The following MRTFA variants were observed in gnomAD, a reference collection of about 807,000 sequenced individuals.
The protein encoded by MRTFA is myocardin related transcription factor A.
Under a neutral mutation model 83.5 loss-of-function variants are expected in MRTFA, and 20 were observed. The observed-to-expected ratio is 0.24, with a 90% confidence interval of 0.17 to 0.35. The LOEUF (loss-of-function observed/expected upper bound fraction) is 0.35. Ranked by LOEUF, MRTFA falls within the 10% of genes least tolerant of loss-of-function variation. The pLI, the probability that MRTFA is intolerant of heterozygous loss-of-function variation, is 1.00. For synonymous variants in MRTFA, 659 were observed against 541.2 expected, an observed-to-expected ratio of 1.22 and a Z score of -3.02; for missense variants, 1,200 against 1,224.7, an observed-to-expected ratio of 0.98 and a Z score of 0.30.
chr22:40,429,974 C>T (rs1227078910), intron 6 of MRTFA, among the ~76,000 whole-genome samples: 1 of 152,090 alleles, frequency 6.6e-6, no homozygotes, highest in African/African-American at 2.4e-5. Flanking sequence ...AGTGCACAGT[C>T]ACACACAATT....
intron 4 of MRTFA, among the ~76,000 whole-genome samples, chr22:40,446,414 C>T (rs2053379079): frequency 6.6e-6 from 1 of 152,088 alleles, no homozygotes; most frequent in African/African-American, 2.4e-5. Flanking sequence ...ACAGGTGATC[C>T]AGGGCGAGTA....
chr22:40,420,828 G>C lies in MRTFA; in HGVS notation c.1181+19C>G, dbSNP rs1569254100. ...GGCTCGGGGAGGGCAGGGGCAGGCA[G>C]TGAGGAGCGGGTGCCTACTTTGGCG... On this transcript the variant is annotated intron_variant, in intron 10 of 14. Transcript: ENST00000355630. The C allele has an allele frequency of 1.2e-6, 2 of 1,612,368 alleles. No homozygotes were observed. Among genetic ancestry groups the C allele is most frequent in the Non-Finnish European group, 1.7e-6 (2 of 1,179,848 alleles).
intron 3 of MRTFA, among the ~76,000 whole-genome samples, chr22:40,471,121 C>T (rs1265706471): frequency 6.7e-6 from 1 of 149,824 alleles, no homozygotes; most frequent in East Asian, 2.0e-4. Flanking sequence ...GTAGCTCACA[C>T]CTGTGATCCC....
intron 4 of MRTFA, among the ~76,000 whole-genome samples, chr22:40,442,355 G>A (rs2053292522): frequency 6.6e-6 from 1 of 152,220 alleles, no homozygotes; most frequent in South Asian, 2.1e-4. Flanking sequence ...TCACTGGAGT[G>A]CCACAGTCCA....
At chr22:40,491,422 A>G (rs1042598554) in intron 3 of MRTFA, among the ~76,000 whole-genome samples, 2 of 152,218 alleles carry the variant, frequency 1.3e-5, no homozygotes, top group Non-Finnish European at 2.9e-5. Context: ...GACCAGTCCA[A>G]ATTGTTCACC....
chr22:40,587,112 A>C (rs2056042632), intron 2 of MRTFA: 1 of 454,058 alleles, frequency 2.2e-6, no homozygotes, highest in Non-Finnish European at 4.5e-6. Flanking sequence ...ACGTGCTTGA[A>C]GGGCTTTGGA....
rs2053239106 is a variant in MRTFA at position 40,439,713 on chromosome 22, C to T, written c.308-4159G>A. Among the ~76,000 whole-genome samples the T allele has an allele frequency of 1.3e-5, 2 of 151,928 alleles. 1 individual carries two copies. Among genetic ancestry groups the T allele is most frequent in the South Asian group, 4.2e-4 (2 of 4,812 alleles). On this transcript the variant is annotated intron_variant, in intron 4 of 14. Transcript: ENST00000355630. The stretch of plus-strand genomic sequence containing the variant: ...GGGTTCAGAGACCTGTCTGAGGGGC[C>T]CCAGGGCTCTCAAGCATTGAGAATC...
chr22:40,439,843 G>A (rs1009257246), intron 4 of MRTFA: 2 of 152,580 alleles, frequency 1.3e-5, no homozygotes, highest in Admixed American at 6.5e-5. Context: ...AACCAGAAAC[G>A]AAGACCAAGA....
intron 3 of MRTFA, among the ~76,000 whole-genome samples, chr22:40,543,171 G>C (rs6001958): frequency 0.011 from 1,634 of 152,208 alleles, 36 homozygotes; most frequent in Middle Eastern, 0.078. Flanking sequence ...GAAAATCCTT[G>C]AAAACCATGC....
Position 40,419,019 on chromosome 22 carries a change from C to G in MRTFA, c.1719G>C (p.Gly573=), listed in dbSNP as rs748164864. 57 of 1,612,514 alleles carry G rather than the reference C, an allele frequency of 3.5e-5. No homozygotes were observed. Among genetic ancestry groups the G allele is most frequent in the Non-Finnish European group, 4.2e-5 (50 of 1,179,876 alleles). ...ATGTCACCATCTCACCAAAGGTGTC[C>G]CCGGGGGTGGAGTTTTCATCGCCCG... Residue 573 remains glycine, a synonymous_variant, in exon 12 of 15, where the codon GGG becomes GGC. Transcript: ENST00000355630.
At chr22:40,527,591 A>G (rs1048593669) in intron 3 of MRTFA, among the ~76,000 whole-genome samples, 2 of 151,776 alleles carry the variant, frequency 1.3e-5, no homozygotes, top group African/African-American at 4.8e-5. Flanking sequence ...CCCTGTCTCT[A>G]CTAAAAATAC....
chr22:40,573,953 T>A (rs963001492), intron 2 of MRTFA, among the ~76,000 whole-genome samples: 1 of 152,154 alleles, frequency 6.6e-6, no homozygotes. Flanking sequence ...TCTCACTATG[T>A]TGCCCAGGCT....
chr22:40,507,867 G>A (rs1031477390), intron 3 of MRTFA, among the ~76,000 whole-genome samples: 4 of 147,458 alleles, frequency 2.7e-5, no homozygotes, highest in Non-Finnish European at 5.9e-5. Context: ...GAAGGCTGAG[G>A]AATGAGAATT....
At chr22:40,436,282 C>T (rs551105858) in intron 4 of MRTFA, 2 of 154,542 alleles carry the variant, frequency 1.3e-5, no homozygotes, top group African/African-American at 2.4e-5. Context: ...CCAAATTAAC[C>T]TTACTTCCTC....
intron 3 of MRTFA, among the ~76,000 whole-genome samples, chr22:40,542,773 T>A (rs1268389729): frequency 6.6e-6 from 1 of 152,208 alleles, no homozygotes; most frequent in East Asian, 1.9e-4. Flanking sequence ...AAAGGCTACT[T>A]ATAAAAATAT....
chr22:40,484,700 A>G (rs1224609794), intron 3 of MRTFA, among the ~76,000 whole-genome samples: 1 of 152,182 alleles, frequency 6.6e-6, no homozygotes, highest in African/African-American at 2.4e-5. Flanking sequence ...AACAATTTCC[A>G]TATATTTCCT....
chr22:40,572,420 T>C (rs896341878), intron 2 of MRTFA, among the ~76,000 whole-genome samples: 4 of 151,972 alleles, frequency 2.6e-5, no homozygotes. Context: ...GGCTACAGTT[T>C]GCTATAATCA....
At chr22:40,496,637 TCC>T (rs1396746709) in intron 3 of MRTFA, among the ~76,000 whole-genome samples, 3 of 143,898 alleles carry the variant, frequency 2.1e-5, no homozygotes, top group Non-Finnish European at 4.5e-5. Flanking sequence ...TGAGCTGTTG[TCC>T]TCACACAATT....
At chr22:40,478,160 A>G (rs1467410971) in intron 3 of MRTFA, among the ~76,000 whole-genome samples, 1 of 152,192 alleles carries the variant, frequency 6.6e-6, no homozygotes, top group African/African-American at 2.4e-5. Flanking sequence ...GTGGAGGTGA[A>G]GAAAGGAAAG....
Sources: allele counts gnomAD v4.1 joint callset (sites outside exome capture counted in the v4.1 genomes callset), GRCh38; gene constraint gnomAD v4.1.1; transcripts MANE v1.5; gene names NCBI Gene and HGNC (gene_info 2026-07-23, HGNC 2026-07-21).